Variants in ADARB2 observed in about 807,000 individuals in gnomAD.
ADARB2 encodes inactive double-stranded RNA-specific editase B2.
In ADARB2, 25 loss-of-function variants were observed where a neutral mutation model predicts 62.2. The observed-to-expected ratio is 0.40, with a 90% CI of 0.29 to 0.56. ADARB2 has a LOEUF of 0.56. Among genes scored for constraint, ADARB2 ranks in the 20% least tolerant of loss-of-function variants. The pLI is 0.43. For missense variants in ADARB2, 1,071 were observed against 1,077.4 expected (o/e 0.99, Z 0.08); for synonymous variants, 572 against 500.8 (o/e 1.14, Z -1.90).
At position 1,438,012 on chromosome 10, in the gene ADARB2, C is replaced by T. The variant is rs7901581; in HGVS notation, c.101-58852G>A. 2.6e-3 allele frequency among the ~76,000 whole-genome samples: 393 copies of T among 152,362 alleles called. 2 individuals carry two copies. The highest frequency in any genetic ancestry group is 8.7e-3 in the African/African-American group (362 of 41,578). On this transcript the variant is annotated intron_variant, in intron 1 of 9. Transcript: ENST00000381312. ...CTCATGAGAACCGCTTCGTCCCCTT[C>T]CCTTCCTGCCACCTCTCACTCCCTC...
chr10:1,307,735 G>A (rs1243092510), intron 3 of ADARB2, among the ~76,000 whole-genome samples: 1 of 89,270 alleles, frequency 1.1e-5, no homozygotes, highest in Non-Finnish European at 2.3e-5. Context: ...ATATACCATG[G>A]AATACTATGC....
chr10:1,255,165 A>T lies in ADARB2; in HGVS notation c.1193-12866T>A, dbSNP rs146725927. Among the ~76,000 whole-genome samples the T allele has an allele frequency of 2.8e-4, 42 of 152,322 alleles. No homozygotes were observed. The highest frequency in any genetic ancestry group is 5.9e-5 in the Non-Finnish European group (4 of 68,024). ...TCTGAGCTCCTCATGGGGCCAAAAC[A>T]TGAGGGAGTGCTTGGATCCAGGAAT... On this transcript the variant is annotated intron_variant, in intron 4 of 9. Transcript: ENST00000381312. The surrounding 1 kb of genome is among the most constrained non-coding windows in gnomAD (Gnocchi z 4.7).
At chr10:1,609,109 G>A (rs546298441) in intron 1 of ADARB2, among the ~76,000 whole-genome samples, 52 of 152,304 alleles carry the variant, frequency 3.4e-4, no homozygotes, top group African/African-American at 1.2e-3. Context: ...GGCGTCGCTG[G>A]CCTTTGGTCC....
At chr10:1,478,365 G>T (rs1246632527) in intron 1 of ADARB2, among the ~76,000 whole-genome samples, 3 of 152,018 alleles carry the variant, frequency 2.0e-5, no homozygotes, top group Non-Finnish European at 4.4e-5. Flanking sequence ...TATAAGTAGA[G>T]TCATGAGAAT....
intron 1 of ADARB2, among the ~76,000 whole-genome samples, chr10:1,455,856 C>G (rs1304976895): frequency 6.6e-6 from 1 of 152,116 alleles, no homozygotes; most frequent in East Asian, 1.9e-4. Context: ...CACCTATCAC[C>G]ACACAAATAC....
chr10:1,557,883 G>GCGGTGAGCTGAGATTGCGC (rs1554771630), intron 1 of ADARB2, among the ~76,000 whole-genome samples: 1 of 152,120 alleles, frequency 6.6e-6, no homozygotes, highest in Admixed American at 6.5e-5. Context: ...AGCTGAGGTT[G>GCGGTGAGCTGAGATTGCGC]CGCCACTGCA....
At chr10:1,308,607 C>T (rs1183751856) in intron 3 of ADARB2, among the ~76,000 whole-genome samples, 2 of 152,210 alleles carry the variant, frequency 1.3e-5, no homozygotes, top group African/African-American at 2.4e-5. Flanking sequence ...CACCATTTTG[C>T]ACTCCCACCA....
Position 1,363,364 on chromosome 10 carries a change from C to T in ADARB2, c.741G>A (p.Leu247=), listed in dbSNP as rs1564269510. Residue 247 remains leucine (L), a synonymous_variant, in exon 3 of 10, where the codon CTG becomes CTA. Transcript: ENST00000381312. The part of the protein sequence containing the change: ...AGGRPGDAAL[L]SAAYGRRRLL... Reference sequence around the variant, plus strand: ...GCCGCCGTCGCCCGTAGGCCGCGGACAGAAGCGCGGCGTCCCCGGGGCGGC... The same window carrying T: ...GCCGCCGTCGCCCGTAGGCCGCGGATAGAAGCGCGGCGTCCCCGGGGCGGC... 14 of 1,305,854 alleles carry T rather than the reference C, an allele frequency of 1.1e-5. No homozygotes were observed. Among genetic ancestry groups the T allele is most frequent in the Middle Eastern group, 2.2e-4 (1 of 4,644 alleles). 80.9% of individuals were successfully genotyped at this position (1,305,854 alleles called of 1,614,324 possible).
intron 4 of ADARB2, among the ~76,000 whole-genome samples, chr10:1,261,928 G>C (rs1408308154): frequency 6.7e-6 from 1 of 148,486 alleles, no homozygotes; most frequent in Non-Finnish European, 1.5e-5. Flanking sequence ...TTAAGAAAAT[G>C]TGGCACATAT....
chr10:1,330,327 C>G (rs913024291), intron 3 of ADARB2, among the ~76,000 whole-genome samples: 16 of 152,166 alleles, frequency 1.1e-4, no homozygotes, highest in Non-Finnish European at 1.5e-4. Flanking sequence ...ATATGCACCC[C>G]AAGTACTTTA....
intron 3 of ADARB2, among the ~76,000 whole-genome samples, chr10:1,346,633 C>T (rs573343576): frequency 6.6e-6 from 1 of 152,356 alleles, no homozygotes; most frequent in East Asian, 1.9e-4. Context: ...TACAGAGGCA[C>T]TTGGTACTAG....
At chr10:1,305,072 A>G (rs1322971969) in intron 3 of ADARB2, among the ~76,000 whole-genome samples, 1 of 125,276 alleles carries the variant, frequency 8.0e-6, no homozygotes, top group Non-Finnish European at 1.8e-5. Flanking sequence ...TGAAGGAAAG[A>G]GAGACACAAA....
At chr10:1,189,083 C>G (rs1466466587) in intron 8 of ADARB2, among the ~76,000 whole-genome samples, 2 of 150,908 alleles carry the variant, frequency 1.3e-5, no homozygotes, top group African/African-American at 5.0e-5. Flanking sequence ...CCTGAGTCAC[C>G]CTCAAGGAGG....
intron 7 of ADARB2, among the ~76,000 whole-genome samples, chr10:1,212,240 A>C (rs1837163606): frequency 6.6e-6 from 1 of 152,230 alleles, no homozygotes; most frequent in Admixed American, 6.5e-5. Flanking sequence ...TAGAAAACAG[A>C]TGAACACATA....
intron 3 of ADARB2, chr10:1,361,503 T>G (rs949166637): frequency 2.6e-5 from 4 of 152,126 alleles, no homozygotes; most frequent in African/African-American, 9.7e-5. Flanking sequence ...CTCCTTAAAA[T>G]GACCACCGGA....
In ADARB2 at chr10:1,199,834, T is replaced by G. The variant is rs1272640810; in HGVS notation, c.1864+132A>C. ...TTTTTTCTTTTTAAAATCGTAGGAC[T>G]TTGCCCATTAAATCCTAAATTGCCA... On this transcript the variant is annotated intron_variant, in intron 8 of 9. Transcript: ENST00000381312. 5 of 962,944 alleles carry G rather than the reference T, an allele frequency of 5.2e-6. No individual in the cohort carries two copies. In the Admixed American group the frequency reaches 9.2e-5, roughly 18 times the overall value. The allele number at this position is 962,944 out of a possible 1,614,324, so 59.6% of individuals were successfully genotyped here.
At chr10:1,364,008 C>T in intron 2 of ADARB2, 91 bp from the exon 3 acceptor site, 2 of 1,379,022 alleles carry the variant, frequency 1.5e-6, no homozygotes, top group South Asian at 1.6e-5. Context: ...CCCGTCCCAG[C>T]GACCTCGCCG....
At chr10:1,211,205 TATC>T (rs1262686881) in intron 7 of ADARB2, among the ~76,000 whole-genome samples, 3 of 152,024 alleles carry the variant, frequency 2.0e-5, no homozygotes, top group African/African-American at 7.3e-5. Flanking sequence ...CATCTATCAT[TATC>T]ATCTATCATC....
At chr10:1,263,675 T>C (rs896459978) in intron 4 of ADARB2, among the ~76,000 whole-genome samples, 8 of 152,240 alleles carry the variant, frequency 5.3e-5, no homozygotes, top group African/African-American at 1.4e-4. Flanking sequence ...ATTTCTCATG[T>C]ATTTCCATCT....
Sources: allele counts gnomAD v4.1 joint callset (sites outside exome capture counted in the v4.1 genomes callset), GRCh38; gene constraint gnomAD v4.1.1; non-coding constraint Gnocchi (gnomAD v3.1); transcripts MANE v1.5; gene names NCBI Gene and HGNC (gene_info 2026-07-23, HGNC 2026-07-21).